The following GALNT2 variants were observed in gnomAD, a reference collection of about 807,000 sequenced individuals.
The protein encoded by GALNT2 is UDP-GalNAc:polypeptide N-acetylgalactosaminyltransferase 2.
A neutral mutation model predicts 81.4 loss-of-function variants in GALNT2; 31 were observed. The observed-to-expected ratio is 0.38, with a 90% confidence interval of 0.29 to 0.51. GALNT2 has a LOEUF of 0.51. GALNT2 is among the 20% of genes least tolerant of loss of function. The pLI, the probability that GALNT2 is intolerant of heterozygous loss-of-function variation, is 0.87. For missense variants in GALNT2, 629 were observed against 765.7 expected (o/e 0.82, Z 2.11); for synonymous variants, 303 against 287.4 (o/e 1.05, Z -0.55).
intron 1 of GALNT2, among the ~76,000 whole-genome samples, chr1:230,156,356 G>T (rs1262936759): frequency 6.6e-6 from 1 of 152,098 alleles, no homozygotes; most frequent in Admixed American, 6.5e-5. Flanking sequence ...GAAGTTCACC[G>T]TGTCATTTTA....
chr1:230,130,772 T>C (rs920431976), intron 1 of GALNT2, among the ~76,000 whole-genome samples: 1 of 152,204 alleles, frequency 6.6e-6, no homozygotes, highest in Non-Finnish European at 1.5e-5. Context: ...CAGTCAAGCT[T>C]GGCTGACCAT....
chr1:230,134,955 A>C (rs972165484), intron 1 of GALNT2, among the ~76,000 whole-genome samples: 1 of 152,054 alleles, frequency 6.6e-6, no homozygotes, highest in Non-Finnish European at 1.5e-5. Flanking sequence ...TGAACTAAAA[A>C]CCTATTTGGC....
At chr1:230,258,238 T>G (rs1158255065) in intron 11 of GALNT2, among the ~76,000 whole-genome samples, 1 of 147,160 alleles carries the variant, frequency 6.8e-6, no homozygotes, top group Non-Finnish European at 1.5e-5. Context: ...TTGGTTTTTT[T>G]TCTTTTTTGA....
At chr1:230,191,603 C>G (rs1255836402) in intron 2 of GALNT2, among the ~76,000 whole-genome samples, 1 of 152,202 alleles carries the variant, frequency 6.6e-6, no homozygotes, top group Non-Finnish European at 1.5e-5. Context: ...CCTCAAAGTC[C>G]TGGGCTTAAG....
chr1:230,060,504 A>G (rs1571914977), intron 1 of GALNT2, among the ~76,000 whole-genome samples: 1 of 152,020 alleles, frequency 6.6e-6, no homozygotes, highest in Non-Finnish European at 1.5e-5. Context: ...TCCACCAGCT[A>G]CTAAATCCCC....
In GALNT2 at chr1:230,139,084, G is replaced by A. The variant is rs577771728; in HGVS notation, c.127-39134G>A. On this transcript the variant is annotated intron_variant, in intron 1 of 15. Transcript: ENST00000366672. ...ATGAGCACTCAGTGTCTACCCTCAC[G>A]GGGGTTATGGTGTGAGGAGACCAAC... Among the ~76,000 whole-genome samples the A allele has an allele frequency of 2.4e-3, 372 of 152,264 alleles. 5 individuals carry two copies. The highest frequency in any genetic ancestry group is 7.0e-3 in the African/African-American group (291 of 41,560).
At chr1:230,064,237 C>T (rs1659112970), upstream of GALNT2, among the ~76,000 whole-genome samples, 1 of 152,134 alleles carries the variant, frequency 6.6e-6, no homozygotes, top group African/African-American at 2.4e-5. Flanking sequence ...ATTTTCCCTT[C>T]GCTCTTCCCC....
chr1:230,118,469 G>A (rs1487279763), intron 1 of GALNT2, among the ~76,000 whole-genome samples: 1 of 152,182 alleles, frequency 6.6e-6, no homozygotes, highest in Non-Finnish European at 1.5e-5. Context: ...TGACCAGGGC[G>A]GTTAGTCACA....
At chr1:230,214,518 T>C (rs1664329064) in intron 3 of GALNT2, among the ~76,000 whole-genome samples, 1 of 152,254 alleles carries the variant, frequency 6.6e-6, no homozygotes, top group Non-Finnish European at 1.5e-5. Context: ...TTTTGTTGTT[T>C]CTGGCGAAAT....
intron 2 of GALNT2, among the ~76,000 whole-genome samples, chr1:230,187,324 A>C (rs1663367594): frequency 6.6e-6 from 1 of 152,260 alleles, no homozygotes; most frequent in Non-Finnish European, 1.5e-5. Flanking sequence ...GTACAGATTT[A>C]TTGATACATT....
At chr1:230,234,528 A>G (rs1189377442) in intron 3 of GALNT2, among the ~76,000 whole-genome samples, 1 of 152,200 alleles carries the variant, frequency 6.6e-6, no homozygotes. Flanking sequence ...GGGACAGACA[A>G]ACAGGCCCCT....
In GALNT2 at chr1:230,192,692, C is replaced by T. The variant is rs144678917; in HGVS notation, c.221-10445C>T. Among the ~76,000 whole-genome samples the T allele has an allele frequency of 2.2e-3, 335 of 152,330 alleles. 1 individual carries two copies. Among genetic ancestry groups the T allele is most frequent in the Non-Finnish European group, 3.7e-3 (254 of 68,028 alleles). On this transcript the variant is annotated intron_variant, in intron 2 of 15. Coordinates refer to ENST00000366672, the MANE Select transcript of GALNT2 (RefSeq NM_004481.5). ...GGTATATTTTTAGTTGTTTTGATAG[C>T]ACAGATAATTTTAAACAAATGAAAA... is the stretch of plus-strand genomic sequence containing the variant.
chr1:230,267,792 A>T (rs1666074204), intron 14 of GALNT2, among the ~76,000 whole-genome samples: 1 of 152,150 alleles, frequency 6.6e-6, no homozygotes, highest in African/African-American at 2.4e-5. Context: ...GGAAGGTGCC[A>T]TCCCCACCGT....
chr1:230,135,589 T>C (rs1377548634), intron 1 of GALNT2, among the ~76,000 whole-genome samples: 1 of 152,200 alleles, frequency 6.6e-6, no homozygotes, highest in African/African-American at 2.4e-5. Flanking sequence ...ATCTTCCTGC[T>C]CCCTTGTGGA....
intron 1 of GALNT2, among the ~76,000 whole-genome samples, chr1:230,075,730 G>GT (rs1225445708): frequency 6.6e-6 from 1 of 152,126 alleles, no homozygotes; most frequent in Non-Finnish European, 1.5e-5. Flanking sequence ...CAGTTACGTC[G>GT]TGTGCAGAAA....
At chr1:230,101,172 A>C (rs992207192) in intron 1 of GALNT2, among the ~76,000 whole-genome samples, 3 of 152,192 alleles carry the variant, frequency 2.0e-5, no homozygotes, top group African/African-American at 7.2e-5. Context: ...CTTAGACCAG[A>C]TCTCCATTGT....
At chr1:230,206,705 A>G (rs1558139928) in intron 3 of GALNT2, among the ~76,000 whole-genome samples, 1 of 152,226 alleles carries the variant, frequency 6.6e-6, no homozygotes, top group Non-Finnish European at 1.5e-5. Context: ...AGTAGAATTC[A>G]GTCTTTAGTT....
At chr1:230,265,030 A>G (rs376202783) in intron 13 of GALNT2, 1 of 550,720 alleles carries the variant, frequency 1.8e-6, no homozygotes, top group African/African-American at 1.9e-5. Context: ...CTTCTGCAAC[A>G]TACAGTCTTA....
At chr1:230,063,110 C>T (rs1425887841), upstream of GALNT2, among the ~76,000 whole-genome samples, 6 of 151,954 alleles carry the variant, frequency 3.9e-5, no homozygotes, top group African/African-American at 9.6e-5. Flanking sequence ...CAGGAGTTTG[C>T]GACCAGCCTG....
Sources: allele counts gnomAD v4.1 joint callset (sites outside exome capture counted in the v4.1 genomes callset), GRCh38; gene constraint gnomAD v4.1.1; transcripts MANE v1.5; gene names NCBI Gene and HGNC (gene_info 2026-07-23, HGNC 2026-07-21).